The following MYO16 variants were observed in gnomAD, a reference collection of about 807,000 sequenced individuals.
MYO16 encodes myosin XVI.
MYO16 carries 94 observed loss-of-function variants against 205.3 expected under a neutral mutation model. That is an observed-to-expected ratio of 0.46 (90% CI 0.39 to 0.54). The LOEUF (loss-of-function observed/expected upper bound fraction) is 0.54, where lower values mean the gene tolerates loss of function less well. Among genes scored for constraint, MYO16 ranks in the 20% least tolerant of loss-of-function variants. MYO16 has a pLI of 0.00. For missense variants in MYO16, 2,315 were observed against 2,387.5 expected, an observed-to-expected ratio of 0.97 and a Z score of 0.63; for synonymous variants, 988 against 954.0, an observed-to-expected ratio of 1.04 and a Z score of -0.66.
chr13:108,807,122 A>G (rs1328915639), intron 7 of MYO16, among the ~76,000 whole-genome samples: 2 of 152,176 alleles, frequency 1.3e-5, no homozygotes, highest in Non-Finnish European at 2.9e-5. Context: ...ATGAATCTGT[A>G]ATAATTATGT....
intron 4 of MYO16, among the ~76,000 whole-genome samples, chr13:108,746,340 A>G (rs1399147598): frequency 3.3e-5 from 5 of 152,360 alleles, no homozygotes; most frequent in Non-Finnish European, 5.9e-5. Flanking sequence ...TGAAATGCAA[A>G]AAGAACAAGG....
At chr13:108,653,827 A>T (rs1377980748) in intron 1 of MYO16, among the ~76,000 whole-genome samples, 2 of 151,644 alleles carry the variant, frequency 1.3e-5, no homozygotes, top group African/African-American at 4.8e-5. Context: ...TCTTATATAG[A>T]CTGTGTCCCC....
At chr13:108,540,968 C>T in the MYO16 span, among the ~76,000 whole-genome samples, 6 of 152,092 alleles carry the variant, frequency 3.9e-5, no homozygotes, top group Non-Finnish European at 5.9e-5. Flanking sequence ...AATGCACATG[C>T]GAAGTGTTGA....
chr13:108,721,026 C>T (rs1204546655), intron 3 of MYO16, among the ~76,000 whole-genome samples: 1 of 152,050 alleles, frequency 6.6e-6, no homozygotes, highest in African/African-American at 2.4e-5. Context: ...ATTTTAAGTT[C>T]GAAGTTCCCT....
chr13:109,141,149 C>G lies in MYO16; in HGVS notation c.4937C>G (p.Pro1646Arg), dbSNP rs538980525. The change falls in exon 32 of 35, where the codon CCC (proline) becomes CGC (arginine). Residue 1646 changes from proline (P) to arginine (R), a missense_variant. Coordinates refer to ENST00000457511, the MANE Select transcript of MYO16 (RefSeq NM_001198950.3). The surrounding 1 kb of genome is among the most constrained non-coding windows in gnomAD (Gnocchi z 4.1). The part of the protein sequence containing the change: ...PKVHPKPNSA[P>R]VAGPCSSFPK... ...GTTCACCCAAAGCCAAACTCTGCCC[C>G]CGTGGCCGGGCCCTGCAGCTCCTTC... 4.0e-5 allele frequency: 64 copies of G among 1,602,948 alleles called. No individual in the cohort carries two copies. In the East Asian group the frequency reaches 1.4e-3, roughly 35 times the overall value.
intron 6 of MYO16, among the ~76,000 whole-genome samples, chr13:108,796,980 G>T (rs1420413653): frequency 6.6e-6 from 1 of 152,082 alleles, no homozygotes; most frequent in Non-Finnish European, 1.5e-5. Flanking sequence ...AAGGACAGGG[G>T]TAAACCGGAG....
intron 4 of MYO16, among the ~76,000 whole-genome samples, chr13:108,731,264 G>C (rs1455546661): frequency 6.6e-6 from 1 of 152,194 alleles, no homozygotes; most frequent in African/African-American, 2.4e-5. Flanking sequence ...TAGATGCTTA[G>C]TGTATGCTTG....
chr13:108,565,788 C>T, the MYO16 span, among the ~76,000 whole-genome samples: 1 of 152,220 alleles, frequency 6.6e-6, no homozygotes, highest in South Asian at 2.1e-4. Context: ...TAGTTTTCCC[C>T]CATTCGGTAT....
intron 34 of MYO16, among the ~76,000 whole-genome samples, chr13:109,194,555 G>C (rs1273688101): frequency 6.6e-6 from 1 of 152,130 alleles, no homozygotes; most frequent in Non-Finnish European, 1.5e-5. Context: ...CCTTGAGGGG[G>C]CATCTATCAG....
the MYO16 span, among the ~76,000 whole-genome samples, chr13:108,541,168 T>C: frequency 6.6e-6 from 1 of 152,002 alleles, no homozygotes; most frequent in Non-Finnish European, 1.5e-5. Flanking sequence ...TATTGACTAT[T>C]TGTGACAATA....
intron 27 of MYO16, among the ~76,000 whole-genome samples, 172 bp from the exon 28 acceptor site, chr13:109,100,613 G>C (rs947084416): frequency 4.4e-4 from 67 of 152,142 alleles, no homozygotes; most frequent in African/African-American, 1.6e-3. Flanking sequence ...AAAAGATAAG[G>C]ATTCTTTCCA....
intron 4 of MYO16, among the ~76,000 whole-genome samples, chr13:108,745,368 G>T (rs368244394): frequency 5.3e-5 from 8 of 152,254 alleles, no homozygotes; most frequent in Non-Finnish European, 4.4e-5. Context: ...AGAGGTTCTC[G>T]CAAGGAACTC....
intron 28 of MYO16, among the ~76,000 whole-genome samples, chr13:109,102,623 A>G (rs1243865970): frequency 6.6e-6 from 1 of 152,016 alleles, no homozygotes; most frequent in Non-Finnish European, 1.5e-5. Context: ...TCACTAAGAG[A>G]GTGATTGGCA....
chr13:109,106,468 C>G (rs1006507994), intron 28 of MYO16, among the ~76,000 whole-genome samples: 1 of 150,396 alleles, frequency 6.6e-6, no homozygotes, highest in African/African-American at 2.5e-5. Flanking sequence ...GTGGAACATG[C>G]TTGTTTTTCA....
chr13:108,893,201 G>C (rs9559439), intron 14 of MYO16, among the ~76,000 whole-genome samples: 15,306 of 152,144 alleles, frequency 0.1, 778 homozygotes, highest in Non-Finnish European at 0.11. Flanking sequence ...AATCATCCGA[G>C]TATATGTACA....
intron 16 of MYO16, among the ~76,000 whole-genome samples, chr13:108,952,364 CAG>C (rs1883190344): frequency 6.6e-6 from 1 of 152,116 alleles, no homozygotes; most frequent in African/African-American, 2.4e-5. Context: ...ACACTGGGCT[CAG>C]GGGCAAGACG....
chr13:108,972,970 A>T lies in MYO16; in HGVS notation c.2369+8068A>T, dbSNP rs561636564. ...TGAACGAAGGAACTGGCATGCTGAG[A>T]TGGGGAAGATATTGGGAACAGCGGA... On this transcript the variant is annotated intron_variant, in intron 20 of 34. Transcript: ENST00000457511. Among the ~76,000 whole-genome samples, 38 of 151,952 alleles carry T rather than the reference A, an allele frequency of 2.5e-4. No homozygotes were observed. The Middle Eastern group carries it at 0.014, about 54-fold the overall frequency.
intron 9 of MYO16, among the ~76,000 whole-genome samples, chr13:108,836,470 C>T (rs892158350): frequency 2.0e-5 from 3 of 152,206 alleles, no homozygotes; most frequent in Admixed American, 2.0e-4. Context: ...CACTTGGGCA[C>T]TGCTTAATGG....
chr13:108,558,020 T>G, the MYO16 span, among the ~76,000 whole-genome samples: 1 of 152,194 alleles, frequency 6.6e-6, no homozygotes, highest in Non-Finnish European at 1.5e-5. Flanking sequence ...TGAGAATAAT[T>G]AAGGTAATCC....
Sources: allele counts gnomAD v4.1 joint callset (sites outside exome capture counted in the v4.1 genomes callset), GRCh38; gene constraint gnomAD v4.1.1; non-coding constraint Gnocchi (gnomAD v3.1); transcripts MANE v1.5; gene names NCBI Gene and HGNC (gene_info 2026-07-23, HGNC 2026-07-21).